Variants in MYSM1 observed in about 807,000 individuals in gnomAD.
MYSM1 encodes the protein deubiquitinase MYSM1.
In MYSM1, 51 loss-of-function variants were observed where a neutral mutation model predicts 116.0. That is an observed-to-expected ratio of 0.44 (90% CI 0.35 to 0.56). The LOEUF (loss-of-function observed/expected upper bound fraction) is 0.56. Ranked by LOEUF, MYSM1 falls within the 20% of genes least tolerant of loss-of-function variation. The pLI, the probability that MYSM1 is intolerant of heterozygous loss-of-function variation, is 0.00. For missense variants in MYSM1, 900 were observed against 974.9 expected (o/e 0.92, Z 1.02); for synonymous variants, 313 against 315.2 (o/e 0.99, Z 0.07).
chr1:58,667,774 G>A (rs1230547942), intron 15 of MYSM1, 73 bp downstream of exon 15: 1 of 888,234 alleles, frequency 1.1e-6, no homozygotes, highest in Admixed American at 1.9e-5. Context: ...TATATTAACT[G>A]AATTCTATAA....
rs111374355 is a variant in MYSM1, at chr1:58,698,001, T to G, written c.68+1984A>C. ...GTTTCACAGATGCTATAATATCAAC[T>G]GTAACTACATACTTCAGAGAGTACC... On this transcript the variant is annotated intron_variant, in intron 1 of 19. Transcript: ENST00000472487. 6.6e-3 allele frequency among the ~76,000 whole-genome samples: 974 copies of G among 148,458 alleles called. 16 individuals carry two copies. Among genetic ancestry groups the G allele is most frequent in the African/African-American group, 0.022 (894 of 40,070 alleles).
chr1:58,668,929 G>A, intron 13 of MYSM1, 55 bp downstream of exon 13: 2 of 1,239,460 alleles, frequency 1.6e-6, no homozygotes, highest in Non-Finnish European at 1.1e-6. Context: ...AGCATTTCCT[G>A]TTTGACGGGG....
Position 58,661,186 on chromosome 1 carries a change from A to ATTCTACTTT in MYSM1, c.2311_2312insAAAGTAGAA (p.Leu771delinsGlnSerArgMet). On this transcript the variant is annotated protein_altering_variant, in exon 19 of 20. Coordinates refer to ENST00000472487, the MANE Select transcript of MYSM1 (RefSeq NM_001085487.3). ...ACAGCTTACTTTCTGCAAACAAGTCAGGTCAGAATCCCGGCGAAAGATTTT... is the reference window on the plus strand; with the variant it reads ...ACAGCTTACTTTCTGCAAACAAGTCATTCTACTTTGGTCAGAATCCCGGCGAAAGATTTT... 1 of 1,613,160 alleles carries ATTCTACTTT rather than the reference A, an allele frequency of 6.2e-7. No homozygotes were observed. Among genetic ancestry groups the ATTCTACTTT allele is most frequent in the Non-Finnish European group, 8.5e-7 (1 of 1,179,254 alleles).
At chr1:58,694,278 G>A (rs938174764) in intron 2 of MYSM1, among the ~76,000 whole-genome samples, 9 of 152,106 alleles carry the variant, frequency 5.9e-5, no homozygotes, top group Admixed American at 3.9e-4. Flanking sequence ...CATTGTAGTC[G>A]TATTCTCCAA....
In MYSM1 at chr1:58,660,079, T is replaced by C. The variant is rs1372081199; in HGVS notation, c.2405A>G (p.Glu802Gly). 11 of 1,611,272 alleles carry C rather than the reference T, an allele frequency of 6.8e-6. No homozygotes were observed. Among genetic ancestry groups the C allele is most frequent in the Non-Finnish European group, 9.3e-6 (11 of 1,178,300 alleles). Reference protein sequence around the residue: ...FMAEEFLTEIENLFLSNYKSN... With the variant: ...FMAEEFLTEIGNLFLSNYKSN... ...TTTATAATTGGAAAGGAACAAATTT[T>C]CTATTTCAGTCAAGAATTCTTCAGC... Residue 802 changes from glutamate to glycine, a missense_variant, in exon 20 of 20, where the codon GAA becomes GGA. Transcript: ENST00000472487.
In MYSM1 at chr1:58,699,374, C is replaced by T. The variant is rs147653733; in HGVS notation, c.68+611G>A. On this transcript the variant is annotated intron_variant, in intron 1 of 19. Coordinates refer to ENST00000472487, the MANE Select transcript of MYSM1 (RefSeq NM_001085487.3). ...TGATCCTCCCAATTACATATCATGACTCCCAGTTTAAATATGAGCAGTCTG... is the reference window on the plus strand; with the variant it reads ...TGATCCTCCCAATTACATATCATGATTCCCAGTTTAAATATGAGCAGTCTG... Among the ~76,000 whole-genome samples, 8 of 152,330 alleles carry T rather than the reference C, an allele frequency of 5.3e-5. No individual in the cohort carries two copies. In the East Asian group the frequency reaches 1.4e-3, roughly 26 times the overall value.
intron 11 of MYSM1, among the ~76,000 whole-genome samples, chr1:58,672,162 TG>T (rs1229820875): frequency 1.3e-5 from 2 of 152,154 alleles, no homozygotes; most frequent in African/African-American, 4.8e-5. Context: ...CATCCCAAAC[TG>T]AAAATTTACT....
At chr1:58,665,776 G>A in intron 16 of MYSM1, 145 bp from the exon 17 acceptor site, 2 of 608,434 alleles carry the variant, frequency 3.3e-6, no homozygotes, top group Non-Finnish European at 5.5e-6. Flanking sequence ...CCGGCACAGT[G>A]GCCCACGCCT....
At chr1:58,691,140 C>T (rs759587360) in intron 3 of MYSM1, among the ~76,000 whole-genome samples, 1 of 151,972 alleles carries the variant, frequency 6.6e-6, no homozygotes, top group Non-Finnish European at 1.5e-5. Flanking sequence ...ATTAGCCAGG[C>T]GTGGTGGCGG....
chr1:58,694,428 T>C (rs1343844654), intron 2 of MYSM1, among the ~76,000 whole-genome samples: 1 of 151,818 alleles, frequency 6.6e-6, no homozygotes, highest in Admixed American at 6.6e-5. Context: ...CAAGGTCAGC[T>C]TGGCCAACAT....
chr1:58,697,225 C>T (rs920675976), intron 1 of MYSM1, among the ~76,000 whole-genome samples: 1 of 148,824 alleles, frequency 6.7e-6, no homozygotes. Flanking sequence ...GTGTAGGTGC[C>T]ATTTACTAAA....
At chr1:58,676,103 T>C (rs1184871483) in intron 9 of MYSM1, among the ~76,000 whole-genome samples, 2 of 152,172 alleles carry the variant, frequency 1.3e-5, no homozygotes, top group African/African-American at 2.4e-5. Flanking sequence ...TAGCTATGAA[T>C]GGTTGTGTCA....
At position 58,656,503 on chromosome 1, in the gene MYSM1, G is replaced by GAC. The variant is rs1318225276; in HGVS notation, c.*3492_*3493dup. ...ACGAGTTTCAAAACTACAGATTAGG[G>GAC]ACTGACCAAAACAAAAATATCTGAA... On this transcript the variant is annotated 3_prime_UTR_variant, in exon 20 of 20. Transcript: ENST00000472487. The GAC allele has an allele frequency of 6.6e-6, 1 of 152,182 alleles. No homozygotes were observed. The highest frequency in any genetic ancestry group is 6.6e-5 in the Admixed American group (1 of 15,264). 9.4% of individuals were successfully genotyped at this position (152,182 alleles called of 1,614,324 possible).
rs1644498143 is a variant in MYSM1 at position 58,667,855 on chromosome 1, C to CT, written c.1833dup (p.Val612SerfsTer3). 1 of 1,601,304 alleles carries CT rather than the reference C, an allele frequency of 6.2e-7. No homozygotes were observed. Among genetic ancestry groups the CT allele is most frequent in the African/African-American group, 1.3e-5 (1 of 74,678 alleles). ...TAAAAGAGAGAACTTACTTCAACTA[C>CT]TTTATCAACTTCTGAGTATCTTCCT... is the stretch of plus-strand genomic sequence containing the variant. On this transcript the variant is annotated frameshift_variant, in exon 15 of 20. Transcript: ENST00000472487. LOFTEE classifies it high-confidence loss of function.
intron 17 of MYSM1, among the ~76,000 whole-genome samples, chr1:58,661,960 G>A (rs1293986949): frequency 2.1e-5 from 3 of 143,978 alleles, no homozygotes; most frequent in Non-Finnish European, 4.7e-5. Flanking sequence ...CAACAATGCT[G>A]TAAGTTATTG....
Position 58,659,482 on chromosome 1 carries a change from C to T in MYSM1, c.*515G>A, listed in dbSNP as rs540233473. On this transcript the variant is annotated 3_prime_UTR_variant, in exon 20 of 20. Transcript: ENST00000472487. ...TGTTTTTAAGATTTTCTTGTCATGCCTCTCCTGGTCTCCTGTTAGATTTAT... is the reference window on the plus strand; with the variant it reads ...TGTTTTTAAGATTTTCTTGTCATGCTTCTCCTGGTCTCCTGTTAGATTTAT... The T allele has an allele frequency of 1.3e-5, 2 of 152,210 alleles. No individual in the cohort carries two copies. Among genetic ancestry groups the T allele is most frequent in the East Asian group, 3.9e-4 (2 of 5,180 alleles). The allele number at this position is 152,210 out of a possible 1,614,324, so 9.4% of individuals were successfully genotyped here.
chr1:58,695,783 T>G (rs1557528326), intron 1 of MYSM1, among the ~76,000 whole-genome samples: 1 of 152,198 alleles, frequency 6.6e-6, no homozygotes, highest in Non-Finnish European at 1.5e-5. Flanking sequence ...TTAATTTGAT[T>G]TGGACGCTTT....
rs923323604 is a variant in MYSM1, at chr1:58,689,103, T to C, written c.334A>G (p.Thr112Ala). Residue 112 changes from threonine to alanine, a missense_variant, in exon 6 of 20, where the codon ACA (threonine) becomes GCA (alanine). Physicochemically the swap from Thr to Ala is moderately conservative, Grantham distance 58. Coordinates refer to ENST00000472487, the MANE Select transcript of MYSM1 (RefSeq NM_001085487.3). ...TTTACTGAGTAACTGGCTGGTTTTG[T>C]AGGAGAGTGTACCCTGAGGGGAAAA... is the stretch of plus-strand genomic sequence containing the variant. ...KTAKIMVHSP[T>A]KPASYSVKWT... is the part of the protein sequence containing the mutation. 2 of 1,610,966 alleles carry C rather than the reference T, an allele frequency of 1.2e-6. No homozygotes were observed. The highest frequency in any genetic ancestry group is 1.7e-6 in the Non-Finnish European group (2 of 1,179,352).
chr1:58,683,355 T>C (rs1224825575), intron 7 of MYSM1, among the ~76,000 whole-genome samples: 1 of 152,206 alleles, frequency 6.6e-6, no homozygotes, highest in Non-Finnish European at 1.5e-5. Context: ...ATCTGACATC[T>C]TCACTGAGTA....
Sources: allele counts gnomAD v4.1 joint callset (sites outside exome capture counted in the v4.1 genomes callset), GRCh38; gene constraint gnomAD v4.1.1; transcripts MANE v1.5; gene names NCBI Gene and HGNC (gene_info 2026-07-23, HGNC 2026-07-21).